SLC1A7: variants seen among roughly 807,000 people sequenced by gnomAD.
SLC1A7 encodes the protein solute carrier family 1 member 7.
Under a neutral mutation model 47.7 loss-of-function variants are expected in SLC1A7, and 40 were observed. That is an observed-to-expected ratio of 0.84 (90% CI 0.65 to 1.09). The LOEUF (loss-of-function observed/expected upper bound fraction) is 1.09, where lower values mean the gene tolerates loss of function less well. Ranked by LOEUF, SLC1A7 falls within the 50% of genes least tolerant of loss-of-function variation. The pLI, the probability that SLC1A7 is intolerant of heterozygous loss-of-function variation, is 0.00. For missense variants in SLC1A7, 746 were observed against 769.5 expected, an observed-to-expected ratio of 0.97 and a Z score of 0.36; for synonymous variants, 323 against 325.6, an observed-to-expected ratio of 0.99 and a Z score of 0.09.
At chr1:53,138,459 T>C (rs1645022185) in intron 1 of SLC1A7, among the ~76,000 whole-genome samples, 1 of 152,096 alleles carries the variant, frequency 6.6e-6, no homozygotes, top group African/African-American at 2.4e-5. Context: ...TTATATTTTC[T>C]TTTTCTATTT....
intron 3 of SLC1A7, chr1:53,114,524 C>T (rs754523845): frequency 5.4e-5 from 31 of 572,288 alleles, no homozygotes; most frequent in Admixed American, 1.2e-4. Flanking sequence ...GTCTGCTCTG[C>T]GCCCATCCAC....
rs1423974520 is a variant in SLC1A7 at position 53,093,519 on chromosome 1, C to T, written c.739G>A (p.Val247Ile). Residue 247 changes from valine to isoleucine, a missense_variant, in exon 6 of 11, where the codon GTC becomes ATC. Val to Ile is a conservative substitution (Grantham distance 29, BLOSUM62 3). Transcript: ENST00000371494. ...TCATTGAGGCACTGGCAGAAGCTGACCAGGGGGGCCCCGCTGTCACCCATG... is the reference window on the plus strand; with the variant it reads ...TCATTGAGGCACTGGCAGAAGCTGATCAGGGGGGCCCCGCTGTCACCCATG... ...GRMGDSGAPL[V>I]SFCQCLNESV... The T allele has an allele frequency of 6.2e-7, 1 of 1,609,912 alleles. No individual in the cohort carries two copies. Among genetic ancestry groups the T allele is most frequent in the Admixed American group, 1.7e-5 (1 of 59,950 alleles).
intron 2 of SLC1A7, among the ~76,000 whole-genome samples, chr1:53,132,597 G>A (rs949468073): frequency 6.6e-6 from 1 of 152,184 alleles, no homozygotes; most frequent in Non-Finnish European, 1.5e-5. Context: ...TATAATTCCC[G>A]CACTTTGGGA....
In SLC1A7 at chr1:53,087,917, C is replaced by T; in HGVS notation, c.*92G>A. The T allele has an allele frequency of 1.5e-6, 1 of 650,752 alleles. No individual in the cohort carries two copies. The allele number at this position is 650,752 out of a possible 1,614,324, so 40.3% of individuals were successfully genotyped here. A position where few individuals can be genotyped will look rare whatever the true frequency, so the allele number is the denominator to read the frequency against. ...GGTGAGAAGAATGTGTGATCCTGGC[C>T]CCTGCCGGCTGCTCAGGAGGGTTGG... On this transcript the variant is annotated 3_prime_UTR_variant, in exon 11 of 11. Coordinates refer to ENST00000371494, the MANE Select transcript of SLC1A7 (RefSeq NM_006671.6).
At chr1:53,137,580 T>A (rs1349856869) in intron 1 of SLC1A7, among the ~76,000 whole-genome samples, 2 of 152,226 alleles carry the variant, frequency 1.3e-5, no homozygotes, top group Non-Finnish European at 2.9e-5. Flanking sequence ...AATGTTTTGA[T>A]CGCCAAACAG....
At position 53,088,995 on chromosome 1, in the gene SLC1A7, TG is replaced by T. The variant is rs1315202148; in HGVS notation, c.1362-17del. 1.1e-5 allele frequency: 18 copies of T among 1,604,486 alleles called. No homozygotes were observed. Among genetic ancestry groups the T allele is most frequent in the Non-Finnish European group, 1.5e-5 (18 of 1,171,756 alleles). Reference sequence around the variant, plus strand: ...GAAACGGTCCCTGGTGAGCCAAGGTTGGGGGTGAGTGGTGGGCACTTGAAGG... The same window carrying T: ...GAAACGGTCCCTGGTGAGCCAAGGTTGGGGTGAGTGGTGGGCACTTGAAGG... On this transcript the variant is annotated splice_polypyrimidine_tract_variant and intron_variant, in intron 9 of 10. Transcript: ENST00000371494.
rs1006961947 is a variant in SLC1A7 at position 53,142,633 on chromosome 1, A to C, written c.-184T>G. The C allele has an allele frequency of 4.3e-5, 25 of 583,676 alleles. No homozygotes were observed. The highest frequency in any genetic ancestry group is 7.0e-5 in the Non-Finnish European group (24 of 340,572). The allele number at this position is 583,676 out of a possible 1,614,324, so 36.2% of individuals were successfully genotyped here. A position where few individuals can be genotyped will look rare whatever the true frequency, so the allele number is the denominator to read the frequency against. ...CGCCTTAGAGGGAAGCCACAATCCT[A>C]TTACCAGCTGCATCATTAGGAGCTG... is the stretch of plus-strand genomic sequence containing the variant. On this transcript the variant is annotated 5_prime_UTR_variant, in exon 1 of 11. Transcript: ENST00000371494.
chr1:53,102,427 T>C (rs11206096), intron 5 of SLC1A7: 30,029 of 152,282 alleles, frequency 0.2, 3,071 homozygotes, highest in Middle Eastern at 0.29. Flanking sequence ...GCAGTGTAGC[T>C]CGGGGCACTC....
chr1:53,135,686 T>TA (rs56817579), intron 1 of SLC1A7, among the ~76,000 whole-genome samples: 41,217 of 148,558 alleles, frequency 0.28, 5,716 homozygotes, highest in Middle Eastern at 0.46. Context: ...ATTCTTATAC[T>TA]AAAAAAAAAA....
chr1:53,130,304 A>C (rs1289671861), intron 2 of SLC1A7, among the ~76,000 whole-genome samples: 1 of 152,130 alleles, frequency 6.6e-6, no homozygotes. Flanking sequence ...GTGTGGAGAT[A>C]GACCCTTGTG....
intron 1 of SLC1A7, among the ~76,000 whole-genome samples, chr1:53,137,560 C>T (rs1271520555): frequency 6.6e-6 from 1 of 152,144 alleles, no homozygotes; most frequent in African/African-American, 2.4e-5. Flanking sequence ...TTTAGTAAAT[C>T]AAGATTTACA....
At chr1:53,099,772 C>G (rs1177644440) in intron 5 of SLC1A7, among the ~76,000 whole-genome samples, 3 of 150,738 alleles carry the variant, frequency 2.0e-5, no homozygotes, top group Non-Finnish European at 4.4e-5. Context: ...CACACCCTGT[C>G]TCAGTACACA....
At chr1:53,094,692 G>T (rs1030064737) in intron 5 of SLC1A7, among the ~76,000 whole-genome samples, 1 of 152,150 alleles carries the variant, frequency 6.6e-6, no homozygotes, top group Non-Finnish European at 1.5e-5. Flanking sequence ...TCTTCCTGCC[G>T]CCTGGCTGAT....
At chr1:53,111,103 G>A (rs1644696855) in intron 3 of SLC1A7, among the ~76,000 whole-genome samples, 3 of 152,146 alleles carry the variant, frequency 2.0e-5, no homozygotes, top group African/African-American at 7.2e-5. Context: ...TGATCATGTT[G>A]GGTAGTAAGA....
Position 53,088,290 on chromosome 1 carries a change from C to T in SLC1A7, c.1465-63G>A, listed in dbSNP as rs775938092. ...GACCAAGGTTAGATACGAGGGAGGA[C>T]TGAGGGCCAGTGGGGCAGAATGAGC... On this transcript the variant is annotated intron_variant, in intron 10 of 10. Transcript: ENST00000371494. 6.6e-6 allele frequency: 9 copies of T among 1,367,584 alleles called. No individual in the cohort carries two copies. The Admixed American group carries it at 1.5e-4, about 23-fold the overall frequency. 84.7% of individuals were successfully genotyped at this position (1,367,584 alleles called of 1,614,324 possible).
At chr1:53,141,842 G>A (rs745864454) in intron 1 of SLC1A7, among the ~76,000 whole-genome samples, 1 of 152,106 alleles carries the variant, frequency 6.6e-6, no homozygotes, top group Non-Finnish European at 1.5e-5. Context: ...CATGGTTGCC[G>A]CAAGCCCACG....
At chr1:53,097,772 A>G (rs77574590) in intron 5 of SLC1A7, among the ~76,000 whole-genome samples, 3 of 120,728 alleles carry the variant, frequency 2.5e-5, no homozygotes, top group East Asian at 6.7e-4. Flanking sequence ...CACACACAGC[A>G]CCTCAGTACA....
chr1:53,139,824 C>G (rs1420666141), intron 1 of SLC1A7, among the ~76,000 whole-genome samples: 1 of 151,820 alleles, frequency 6.6e-6, no homozygotes. Flanking sequence ...TTTAAAAATC[C>G]CATTACTAAA....
In SLC1A7 at chr1:53,092,686, A is replaced by G. The variant is rs1476531668; in HGVS notation, c.899T>C (p.Val300Ala). Residue 300 changes from valine to alanine, a missense_variant, in exon 7 of 11, where the codon GTG becomes GCG. Val to Ala is a moderately conservative substitution (Grantham distance 64). Coordinates refer to ENST00000371494, the MANE Select transcript of SLC1A7 (RefSeq NM_006671.6). ...GKKLGFYSVTVVCGLVLHGLF... is the reference protein window; with the variant it reads ...GKKLGFYSVTAVCGLVLHGLF... ...CCCGTGGAGCACCAGCCCGCACACC[A>G]CGGTGACTGAGTAGAAGCCCAGCTT... The G allele has an allele frequency of 1.2e-6, 2 of 1,614,030 alleles. No homozygotes were observed. The highest frequency in any genetic ancestry group is 1.1e-5 in the South Asian group (1 of 91,084).
Sources: gnomAD v4.1 joint callset for allele counts (sites outside exome capture counted in the v4.1 genomes callset) on GRCh38, gnomAD v4.1.1 for gene constraint, MANE v1.5 for transcripts, NCBI Gene and HGNC (gene_info 2026-07-23, HGNC 2026-07-21) for gene names.